The following PIK3AP1 variants were observed in gnomAD, a reference collection of about 807,000 sequenced individuals.
PIK3AP1 encodes the protein phosphoinositide-3-kinase adaptor protein 1.
PIK3AP1 carries 21 observed loss-of-function variants against 88.1 expected under a neutral mutation model. That is an observed-to-expected ratio of 0.24 (90% confidence interval 0.17 to 0.34). The LOEUF (loss-of-function observed/expected upper bound fraction) is 0.34. Among genes scored for constraint, PIK3AP1 ranks in the 10% least tolerant of loss-of-function variants. The pLI is 1.00. For synonymous variants in PIK3AP1, 398 were observed against 400.0 expected (o/e 1.00, Z 0.06); for missense variants, 828 against 1,035.7 (o/e 0.80, Z 2.75).
chr10:96,689,148 C>T (rs1165421187), intron 2 of PIK3AP1, among the ~76,000 whole-genome samples: 1 of 152,210 alleles, frequency 6.6e-6, no homozygotes, highest in Non-Finnish European at 1.5e-5. Flanking sequence ...CTATCCCAGA[C>T]TCAGGCCACT....
At chr10:96,695,875 T>C (rs924827346) in intron 2 of PIK3AP1, among the ~76,000 whole-genome samples, 1 of 152,200 alleles carries the variant, frequency 6.6e-6, no homozygotes, top group Non-Finnish European at 1.5e-5. Flanking sequence ...GTGGGACAGG[T>C]TGTTGTATCT....
intron 8 of PIK3AP1, among the ~76,000 whole-genome samples, chr10:96,629,930 A>AAAAAAAAGAAGAAGAAG (rs776780994): frequency 1.5e-4 from 2 of 13,722 alleles, no homozygotes; most frequent in East Asian, 3.8e-3. Context: ...AAAAAAAAAA[A>AAAAAAAAGAAGAAGAAG]AAGAAGAAGA....
chr10:96,623,655 G>A (rs2134204584), intron 10 of PIK3AP1, 118 bp from the exon 11 acceptor site: 1 of 839,320 alleles, frequency 1.2e-6, no homozygotes, highest in Non-Finnish European at 1.9e-6. Flanking sequence ...CAAAATTGTA[G>A]AAAGAGGCAA....
chr10:96,673,000 A>G (rs764708436), intron 2 of PIK3AP1, among the ~76,000 whole-genome samples: 10 of 152,222 alleles, frequency 6.6e-5, no homozygotes, highest in Non-Finnish European at 1.2e-4. Flanking sequence ...GACCGGCCCT[A>G]GTTCATAAGC....
chr10:96,597,366 CTCT>C (rs1848788427), intron 16 of PIK3AP1, among the ~76,000 whole-genome samples: 1 of 112,642 alleles, frequency 8.9e-6, no homozygotes, highest in Non-Finnish European at 1.7e-5. Flanking sequence ...CTCTCTCTCT[CTCT>C]CTCTCTCTTT....
At chr10:96,672,867 G>A (rs192690700) in intron 2 of PIK3AP1, among the ~76,000 whole-genome samples, 2 of 152,262 alleles carry the variant, frequency 1.3e-5, no homozygotes, top group East Asian at 1.9e-4. Flanking sequence ...TTGTCTCAGC[G>A]CCCAGTGCCT....
Position 96,601,258 on chromosome 10 carries a change from G to A in PIK3AP1, c.2360+1022C>T, listed in dbSNP as rs905713857. Among the ~76,000 whole-genome samples, 41 of 152,070 alleles carry A rather than the reference G, an allele frequency of 2.7e-4. 1 individual carries two copies. Among genetic ancestry groups the A allele is most frequent in the African/African-American group, 9.7e-4 (40 of 41,396 alleles). On this transcript the variant is annotated intron_variant, in intron 16 of 16. Transcript: ENST00000339364. ...GGAGGCTGAGGCGAGCAGATTACCTGAAGTCAGGAGTTCGAGGCCAGCCTA... is the reference window on the plus strand; with the variant it reads ...GGAGGCTGAGGCGAGCAGATTACCTAAAGTCAGGAGTTCGAGGCCAGCCTA...
intron 2 of PIK3AP1, among the ~76,000 whole-genome samples, chr10:96,681,969 TATGC>T (rs1281541423): frequency 6.9e-6 from 1 of 145,812 alleles, no homozygotes. Flanking sequence ...CTTTAAAAAA[TATGC>T]ATACATAAAT....
At chr10:96,697,374 T>G (rs546525263) in intron 2 of PIK3AP1, among the ~76,000 whole-genome samples, 2 of 152,154 alleles carry the variant, frequency 1.3e-5, no homozygotes, top group Non-Finnish European at 2.9e-5. Flanking sequence ...ATTATCTGAG[T>G]GCAAGCCCAA....
intron 2 of PIK3AP1, among the ~76,000 whole-genome samples, chr10:96,678,999 G>T (rs1462193045): frequency 1.3e-5 from 2 of 152,144 alleles, no homozygotes; most frequent in Non-Finnish European, 2.9e-5. Flanking sequence ...CTTCATCTGA[G>T]TTATCACACT....
At chr10:96,616,593 T>C in intron 13 of PIK3AP1, 46 bp downstream of exon 13, 5 of 1,592,872 alleles carry the variant, frequency 3.1e-6, no homozygotes, top group Non-Finnish European at 4.3e-6. Context: ...GGACAACAGA[T>C]GACAGCAATG....
At chr10:96,601,696 G>C (rs1014968698) in intron 16 of PIK3AP1, among the ~76,000 whole-genome samples, 1 of 152,130 alleles carries the variant, frequency 6.6e-6, no homozygotes, top group Non-Finnish European at 1.5e-5. Context: ...AAGGGAATTA[G>C]TTATTGGAGA....
In PIK3AP1 at chr10:96,617,295, G is replaced by A. The variant is rs567128865; in HGVS notation, c.1942-584C>T. On this transcript the variant is annotated intron_variant, in intron 12 of 16. Transcript: ENST00000339364. ...CCATTGTAGTCATTCAATAAATGTT[G>A]AATAGACATGTAAGGGTCAAGATTG... Among the ~76,000 whole-genome samples, 3 of 152,286 alleles carry A rather than the reference G, an allele frequency of 2.0e-5. No individual in the cohort carries two copies. In the South Asian group the frequency reaches 6.2e-4, roughly 32 times the overall value.
chr10:96,672,506 C>T (rs1391593720), intron 2 of PIK3AP1, among the ~76,000 whole-genome samples: 1 of 152,190 alleles, frequency 6.6e-6, no homozygotes, highest in Non-Finnish European at 1.5e-5. Flanking sequence ...ACTCCCCACT[C>T]CCTTAAATAA....
intron 2 of PIK3AP1, among the ~76,000 whole-genome samples, chr10:96,701,372 T>C (rs1844295962): frequency 6.6e-6 from 1 of 152,166 alleles, no homozygotes; most frequent in Non-Finnish European, 1.5e-5. Flanking sequence ...GGCCCTGTGT[T>C]CCAAAGTGAG....
At chr10:96,611,134 C>A (rs1254184250) in intron 13 of PIK3AP1, among the ~76,000 whole-genome samples, 4 of 152,198 alleles carry the variant, frequency 2.6e-5, no homozygotes, top group Non-Finnish European at 5.9e-5. Flanking sequence ...ACAGGGCACA[C>A]CAAGTCCCCC....
chr10:96,607,514 C>G (rs1052933852), intron 14 of PIK3AP1, among the ~76,000 whole-genome samples: 7 of 152,070 alleles, frequency 4.6e-5, no homozygotes, highest in Admixed American at 4.6e-4. Flanking sequence ...GTCAACCTCC[C>G]GCCCAGGATC....
intron 8 of PIK3AP1, chr10:96,632,841 C>T: frequency 6.2e-7 from 1 of 1,601,554 alleles, no homozygotes; most frequent in Non-Finnish European, 8.5e-7. Flanking sequence ...ATCCACCAGT[C>T]CAACACCAAC....
In PIK3AP1 at chr10:96,609,803, G is replaced by A; in HGVS notation, c.2079C>T (p.Val693=). Residue 693 remains valine (V), a synonymous_variant, in exon 14 of 17, where the codon GTC becomes GTT. Coordinates refer to ENST00000339364, the MANE Select transcript of PIK3AP1 (RefSeq NM_152309.3). ...CACTTTTCCTGGGGCCACTCTCATA[G>A]ACTCCAAACTCCACTTTTGCAGGCA... ...QHLPAKVEFG[V]YESGPRKSVI... is the part of the protein sequence containing the mutation. 1 of 1,614,128 alleles carries A rather than the reference G, an allele frequency of 6.2e-7. No homozygotes were observed. The highest frequency in any genetic ancestry group is 2.2e-5 in the East Asian group (1 of 44,888).
Sources: allele counts gnomAD v4.1 joint callset (sites outside exome capture counted in the v4.1 genomes callset), GRCh38; gene constraint gnomAD v4.1.1; transcripts MANE v1.5; gene names NCBI Gene and HGNC (gene_info 2026-07-23, HGNC 2026-07-21).